Variants in RAB22A observed in about 807,000 individuals in gnomAD.
RAB22A encodes the protein ras-related protein Rab-22A.
RAB22A carries 13 observed loss-of-function variants against 30.2 expected under a neutral mutation model. The observed-to-expected ratio is 0.43, with a 90% CI of 0.28 to 0.68. The LOEUF (loss-of-function observed/expected upper bound fraction) is 0.68. Ranked by LOEUF, RAB22A falls within the 30% of genes least tolerant of loss-of-function variation. The pLI is 0.18. For synonymous variants in RAB22A, 89 were observed against 87.2 expected (o/e 1.02, Z -0.11); for missense variants, 177 against 246.8 (o/e 0.72, Z 1.89).
rs1987230384 is a variant in RAB22A, at chr20:58,361,756, T to G, written c.*2053T>G. 1 of 152,078 alleles carries G rather than the reference T, an allele frequency of 6.6e-6. No individual in the cohort carries two copies. Among genetic ancestry groups the G allele is most frequent in the Non-Finnish European group, 1.5e-5 (1 of 68,022 alleles). 9.4% of individuals were successfully genotyped at this position (152,078 alleles called of 1,614,324 possible). Reference sequence around the variant, plus strand: ...AAAGAGGCAAAGCATGTGCGACCCTTTCTGTCTTATTTTACCAAAAGATGG... The same window carrying G: ...AAAGAGGCAAAGCATGTGCGACCCTGTCTGTCTTATTTTACCAAAAGATGG... On this transcript the variant is annotated 3_prime_UTR_variant, in exon 7 of 7. Transcript: ENST00000244040.
At chr20:58,351,793 A>G (rs1037145865) in intron 3 of RAB22A, among the ~76,000 whole-genome samples, 13 of 152,256 alleles carry the variant, frequency 8.5e-5, no homozygotes, top group Non-Finnish European at 7.3e-5. Flanking sequence ...AGCCTAGACA[A>G]CAAGAGCGAA....
At chr20:58,317,704 A>T (rs1341960794) in intron 2 of RAB22A, among the ~76,000 whole-genome samples, 28 of 151,174 alleles carry the variant, frequency 1.9e-4, no homozygotes, top group East Asian at 1.8e-3. Flanking sequence ...GACTACAGGC[A>T]CCCGCCACCA....
At chr20:58,314,790 G>A (rs529759540) in intron 2 of RAB22A, among the ~76,000 whole-genome samples, 7 of 151,976 alleles carry the variant, frequency 4.6e-5, no homozygotes, top group South Asian at 2.1e-4. Context: ...GCAGTGAGCC[G>A]AGATCGCACC....
intron 1 of RAB22A, 112 bp downstream of exon 1, chr20:58,310,124 T>G (rs958590333): frequency 1.9e-6 from 2 of 1,066,666 alleles, no homozygotes; most frequent in Non-Finnish European, 2.4e-6. Flanking sequence ...AGACGCTGTC[T>G]GCCAGCCCCG....
chr20:58,345,217 C>G (rs532253671), intron 3 of RAB22A, among the ~76,000 whole-genome samples: 2 of 152,224 alleles, frequency 1.3e-5, no homozygotes, highest in South Asian at 2.1e-4. Flanking sequence ...AAGAATCATG[C>G]TGTAATATAG....
At chr20:58,320,894 AAAAAATAC>A (rs1200551585) in intron 2 of RAB22A, among the ~76,000 whole-genome samples, 5 of 152,128 alleles carry the variant, frequency 3.3e-5, no homozygotes, top group Admixed American at 2.0e-4. Flanking sequence ...TGTCTCTGCT[AAAAAATAC>A]AAAAATTGGC....
intron 2 of RAB22A, among the ~76,000 whole-genome samples, chr20:58,315,549 T>G (rs1986319531): frequency 1.4e-5 from 1 of 71,574 alleles, no homozygotes; most frequent in African/African-American, 7.5e-5. Context: ...GTCACTCTTG[T>G]GGAGGTTGGG....
At chr20:58,327,063 C>G (rs1212195861) in intron 2 of RAB22A, among the ~76,000 whole-genome samples, 3 of 152,164 alleles carry the variant, frequency 2.0e-5, no homozygotes, top group Admixed American at 6.5e-5. Flanking sequence ...TCCTAACACT[C>G]TGGAAGGCCA....
At chr20:58,353,893 T>C (rs980861221) in intron 5 of RAB22A, among the ~76,000 whole-genome samples, 2 of 152,206 alleles carry the variant, frequency 1.3e-5, no homozygotes, top group African/African-American at 4.8e-5. Flanking sequence ...AAGCAAGGGC[T>C]TTTTGAAAAT....
At position 58,343,602 on chromosome 20, in the gene RAB22A, G is replaced by C; in HGVS notation, c.117-116G>C. Reference sequence around the variant, plus strand: ...ATACTCCAGAGAGGAACACAATTAGGATACAGCGTGGTGCTGGGAGACTGA... The same window carrying C: ...ATACTCCAGAGAGGAACACAATTAGCATACAGCGTGGTGCTGGGAGACTGA... On this transcript the variant is annotated intron_variant, in intron 2 of 6. Coordinates refer to ENST00000244040, the MANE Select transcript of RAB22A (RefSeq NM_020673.3). 3 of 710,930 alleles carry C rather than the reference G, an allele frequency of 4.2e-6. No individual in the cohort carries two copies. In the South Asian group the frequency reaches 5.3e-5, roughly 13 times the overall value. The allele number at this position is 710,930 out of a possible 1,614,324, so 44.0% of individuals were successfully genotyped here. A position where few individuals can be genotyped will look rare whatever the true frequency, so the allele number is the denominator to read the frequency against.
chr20:58,359,398 C>T (rs1356863746), intron 6 of RAB22A, among the ~76,000 whole-genome samples: 1 of 151,968 alleles, frequency 6.6e-6, no homozygotes, highest in African/African-American at 2.4e-5. Flanking sequence ...AATATGTCAG[C>T]ACTGGGGGAA....
chr20:58,352,718 A>C (rs1987073542), intron 3 of RAB22A, among the ~76,000 whole-genome samples: 1 of 152,218 alleles, frequency 6.6e-6, no homozygotes, highest in Non-Finnish European at 1.5e-5. Flanking sequence ...ATTGATGTAA[A>C]TGAAATGAGA....
chr20:58,354,180 G>A lies in RAB22A; in HGVS notation c.402G>A (p.Lys134=). 1 of 1,613,550 alleles carries A rather than the reference G, an allele frequency of 6.2e-7. No individual in the cohort carries two copies. The highest frequency in any genetic ancestry group is 8.5e-7 in the Non-Finnish European group (1 of 1,179,628). ...DVREVMERDA[K]DYADSIHAIF... ...GAGAAGTCATGGAGAGAGATGCAAA[G>A]GACTACGCCGACTCTATTCATGCAA... is the stretch of plus-strand genomic sequence containing the variant. The change falls in exon 6 of 7, where the codon AAG becomes AAA. Residue 134 remains lysine, a synonymous_variant. Coordinates refer to ENST00000244040, the MANE Select transcript of RAB22A (RefSeq NM_020673.3).
chr20:58,320,494 A>G (rs1289902041), intron 2 of RAB22A, among the ~76,000 whole-genome samples: 1 of 151,910 alleles, frequency 6.6e-6, no homozygotes, highest in African/African-American at 2.4e-5. Context: ...CTTTTTCTGA[A>G]CTGTCCAGCT....
intron 2 of RAB22A, among the ~76,000 whole-genome samples, chr20:58,320,217 A>C (rs1986425520): frequency 6.6e-6 from 1 of 152,202 alleles, no homozygotes; most frequent in African/African-American, 2.4e-5. Context: ...AAACCATCTG[A>C]GCAGGGAGTT....
intron 3 of RAB22A, among the ~76,000 whole-genome samples, chr20:58,345,260 G>A (rs1252609632): frequency 6.6e-6 from 1 of 151,976 alleles, no homozygotes; most frequent in Non-Finnish European, 1.5e-5. Flanking sequence ...AGCCTGTCCT[G>A]GTATATGCAG....
intron 2 of RAB22A, among the ~76,000 whole-genome samples, chr20:58,315,804 A>G (rs1052940612): frequency 6.6e-6 from 1 of 151,928 alleles, no homozygotes; most frequent in African/African-American, 2.4e-5. Context: ...TGCCGGGGCT[A>G]TTGAGCTGAT....
chr20:58,355,554 T>C (rs747969939), intron 6 of RAB22A, among the ~76,000 whole-genome samples: 25 of 152,108 alleles, frequency 1.6e-4, no homozygotes, highest in Non-Finnish European at 7.3e-5. Context: ...GCATGGTGGT[T>C]GTCACCTATA....
intron 2 of RAB22A, among the ~76,000 whole-genome samples, chr20:58,325,306 G>A (rs1042560599): frequency 7.2e-5 from 11 of 151,796 alleles, no homozygotes; most frequent in Non-Finnish European, 1.0e-4. Flanking sequence ...GTGAAACCCC[G>A]TCTCTACCAA....
Sources: allele counts gnomAD v4.1 joint callset (sites outside exome capture counted in the v4.1 genomes callset), GRCh38; gene constraint gnomAD v4.1.1; transcripts MANE v1.5; gene names NCBI Gene and HGNC (gene_info 2026-07-23, HGNC 2026-07-21).